The following PHF2 variants were observed in gnomAD, a reference collection of about 807,000 sequenced individuals.
The protein encoded by PHF2 is PHD finger protein 2.
PHF2 carries 27 observed loss-of-function variants against 120.5 expected under a neutral mutation model. That is an observed-to-expected ratio of 0.22 (90% CI 0.17 to 0.31). PHF2 has a LOEUF of 0.31. Ranked by LOEUF, PHF2 falls within the 10% of genes least tolerant of loss-of-function variation. The pLI, the probability that PHF2 is intolerant of heterozygous loss-of-function variation, is 1.00. For missense variants in PHF2, 1,024 were observed against 1,434.8 expected, an observed-to-expected ratio of 0.71 and a Z score of 4.63; for synonymous variants, 568 against 592.5, an observed-to-expected ratio of 0.96 and a Z score of 0.60.
At chr9:93,649,049 G>C in intron 4 of PHF2, 22 bp from the exon 5 acceptor site, 1 of 1,550,612 alleles carries the variant, frequency 6.4e-7, no homozygotes, top group Non-Finnish European at 8.7e-7. Context: ...GGGTGCTCAA[G>C]CTCCTCCCAC....
At chr9:93,665,499 C>T (rs554785961) in intron 14 of PHF2, among the ~76,000 whole-genome samples, 187 bp from the exon 15 acceptor site, 53 of 152,344 alleles carry the variant, frequency 3.5e-4, no homozygotes, top group South Asian at 3.1e-3. Context: ...GGCTTGGGCC[C>T]TCTACCCTCC....
At chr9:93,665,949 CG>C (rs754511457) in intron 15 of PHF2, 40 bp from the exon 16 acceptor site, 117 of 1,612,090 alleles carry the variant, frequency 7.3e-5, no homozygotes, top group Non-Finnish European at 9.7e-5. Flanking sequence ...GCTGGCTCCC[CG>C]CAAGGCCTCC....
At position 93,576,808 on chromosome 9, in the gene PHF2, T is replaced by C; in HGVS notation, c.35T>C (p.Leu12Pro). 3 of 1,285,464 alleles carry C rather than the reference T, an allele frequency of 2.3e-6. No individual in the cohort carries two copies. Among genetic ancestry groups the C allele is most frequent in the South Asian group, 2.5e-5 (2 of 81,036 alleles). 79.6% of individuals were successfully genotyped at this position (1,285,464 alleles called of 1,614,324 possible). ...GTGCCCGTGTACTGCGTCTGCCGGC[T>C]CCCCTACGACGTTACCCGCTTCATG... ...ATVPVYCVCR[L>P]PYDVTRFMIE... Residue 12 changes from leucine to proline, a missense_variant, in exon 1 of 22, where the codon CTC (leucine) becomes CCC (proline). Leu to Pro is a moderately conservative substitution (Grantham distance 98). Coordinates refer to ENST00000359246, the MANE Select transcript of PHF2 (RefSeq NM_005392.4).
rs374178598 is a variant in PHF2 at position 93,677,871 on chromosome 9, C to A, written c.*195C>A. On this transcript the variant is annotated 3_prime_UTR_variant, in exon 22 of 22. Transcript: ENST00000359246. The surrounding 1 kb of genome is among the most constrained non-coding windows in gnomAD (Gnocchi z 4.4). ...CGTGGCCCCTCAATTTGAAAATGGA[C>A]GTCTTTTCTCAAGTTGCTAAGAGTG... The A allele has an allele frequency of 1.0e-5, 6 of 578,940 alleles. No individual in the cohort carries two copies. The highest frequency in any genetic ancestry group is 1.5e-5 in the Non-Finnish European group (5 of 324,916). The allele number at this position is 578,940 out of a possible 1,614,324, so 35.9% of individuals were successfully genotyped here.
At chr9:93,621,986 C>T (rs1030568663) in intron 1 of PHF2, among the ~76,000 whole-genome samples, 3 of 152,278 alleles carry the variant, frequency 2.0e-5, no homozygotes, top group South Asian at 2.1e-4. Flanking sequence ...TCATTGGGGA[C>T]GTGCCCAACC....
intron 1 of PHF2, among the ~76,000 whole-genome samples, chr9:93,624,343 G>A (rs1364550587): frequency 6.6e-6 from 1 of 152,064 alleles, no homozygotes; most frequent in East Asian, 1.9e-4. Flanking sequence ...AGATGATAAT[G>A]ATGGTGTAGC....
At chr9:93,608,806 G>A (rs1825587485) in intron 1 of PHF2, among the ~76,000 whole-genome samples, 1 of 151,862 alleles carries the variant, frequency 6.6e-6, no homozygotes, top group East Asian at 1.9e-4. Context: ...GTTGGTCCTT[G>A]TTTTTTTAAA....
At chr9:93,663,449 C>A in intron 13 of PHF2, 68 bp from the exon 14 acceptor site, 2 of 937,328 alleles carry the variant, frequency 2.1e-6, no homozygotes, top group Admixed American at 2.2e-5. Context: ...TTCTCACTGA[C>A]ACTAATTGGG....
At chr9:93,599,816 G>A (rs1476419092) in intron 1 of PHF2, among the ~76,000 whole-genome samples, 1 of 152,250 alleles carries the variant, frequency 6.6e-6, no homozygotes, top group African/African-American at 2.4e-5. Flanking sequence ...ATGATGCCCA[G>A]CCACGCTCCC....
At chr9:93,602,316 G>C (rs934971976) in intron 1 of PHF2, among the ~76,000 whole-genome samples, 1 of 135,206 alleles carries the variant, frequency 7.4e-6, no homozygotes, top group African/African-American at 2.9e-5. Flanking sequence ...GCAATGGCAC[G>C]ATCTCGGCTC....
intron 2 of PHF2, among the ~76,000 whole-genome samples, chr9:93,632,629 A>C (rs1826020501): frequency 6.6e-6 from 1 of 152,120 alleles, no homozygotes. Flanking sequence ...TAAGGACACT[A>C]ATCCCATTCA....
intron 14 of PHF2, among the ~76,000 whole-genome samples, chr9:93,664,758 G>A (rs371057047): frequency 6.6e-6 from 1 of 152,218 alleles, no homozygotes; most frequent in Non-Finnish European, 1.5e-5. Flanking sequence ...GCTATTAAAC[G>A]GCATTCACTC....
chr9:93,603,312 A>G (rs1456035279), intron 1 of PHF2, among the ~76,000 whole-genome samples: 2 of 152,076 alleles, frequency 1.3e-5, no homozygotes, highest in Non-Finnish European at 2.9e-5. Context: ...TGCCCTCCCG[A>G]CCCCGACTTA....
chr9:93,636,592 T>C (rs1013197309), intron 3 of PHF2, 67 bp downstream of exon 3: 7 of 1,138,016 alleles, frequency 6.2e-6, no homozygotes, highest in Non-Finnish European at 8.9e-6. Context: ...CCGTCCCTTG[T>C]CCCGCTATCC....
chr9:93,599,858 G>A (rs1313806126), intron 1 of PHF2, among the ~76,000 whole-genome samples: 2 of 152,242 alleles, frequency 1.3e-5, no homozygotes, highest in Non-Finnish European at 2.9e-5. Context: ...GTCTGACTGG[G>A]TGTCCTGTGG....
rs201942202 is a variant in PHF2 at position 93,675,717 on chromosome 9, T to G, written c.2760T>G (p.Pro920=). The G allele has an allele frequency of 6.2e-7, 1 of 1,613,248 alleles. No individual in the cohort carries two copies. The highest frequency in any genetic ancestry group is 1.7e-5 in the Admixed American group (1 of 60,018). The change falls in exon 20 of 22, where the codon CCT becomes CCG. Residue 920 remains proline (P), a synonymous_variant. Transcript: ENST00000359246. Reference sequence around the variant, plus strand: ...CATCGGTGCCAAGACAGGACAGGCCTGTGCGTGAGGGTACACGGGTGGCTT... The same window carrying G: ...CATCGGTGCCAAGACAGGACAGGCCGGTGCGTGAGGGTACACGGGTGGCTT... ...VGPSVPRQDR[P]VREGTRVASI...
At chr9:93,577,780 TGGCCCCATGCCTAG>T (rs1026482289) in intron 1 of PHF2, among the ~76,000 whole-genome samples, 5 of 152,188 alleles carry the variant, frequency 3.3e-5, no homozygotes, top group African/African-American at 1.2e-4. Flanking sequence ...GGCCATGACC[TGGCCCCATGCCTAG>T]GGCAGGTCCC....
rs1408916009 is a variant in PHF2, at chr9:93,656,615, G to A, written c.1147+20G>A. The stretch of plus-strand genomic sequence containing the variant: ...TCAAAGGTACTGGTCACTCCGGGGT[G>A]GGCGTCCAAGCCTGGGGCTCTTGGC... On this transcript the variant is annotated intron_variant, in intron 9 of 21. Transcript: ENST00000359246. The surrounding 1 kb of genome is among the most constrained non-coding windows in gnomAD (Gnocchi z 4.1). The A allele has an allele frequency of 6.4e-7, 1 of 1,563,234 alleles. No homozygotes were observed. Among genetic ancestry groups the A allele is most frequent in the South Asian group, 1.1e-5 (1 of 90,038 alleles).
intron 1 of PHF2, among the ~76,000 whole-genome samples, chr9:93,617,052 G>A (rs1367660802): frequency 2.0e-5 from 3 of 152,210 alleles, no homozygotes; most frequent in Non-Finnish European, 2.9e-5. Flanking sequence ...AATGCAATCC[G>A]GTTGTGCTGT....
Sources: gnomAD v4.1 joint callset for allele counts (sites outside exome capture counted in the v4.1 genomes callset) on GRCh38, gnomAD v4.1.1 for gene constraint, Gnocchi (gnomAD v3.1) non-coding constraint, MANE v1.5 for transcripts, NCBI Gene and HGNC (gene_info 2026-07-23, HGNC 2026-07-21) for gene names.